Variants in ALDH3A2 observed in about 807,000 individuals in gnomAD.
ALDH3A2 encodes the protein aldehyde dehydrogenase 3 family member A2.
ALDH3A2 carries 36 observed loss-of-function variants against 51.3 expected under a neutral mutation model. That is an observed-to-expected ratio of 0.70 (90% CI 0.54 to 0.93). ALDH3A2 has a LOEUF of 0.93. ALDH3A2 is among the 40% of genes least tolerant of loss of function. The pLI, the probability that ALDH3A2 is intolerant of heterozygous loss-of-function variation, is 0.00. For synonymous variants in ALDH3A2, 199 were observed against 219.8 expected (o/e 0.91, Z 0.84); for missense variants, 552 against 603.1 (o/e 0.92, Z 0.89).
chr17:19,675,480 G>C lies in ALDH3A2; in HGVS notation c.1444-78G>C, dbSNP rs368777762. The C allele has an allele frequency of 2.1e-6, 3 of 1,443,006 alleles. No homozygotes were observed. The African/African-American group carries it at 4.2e-5, about 20-fold the overall frequency. 89.4% of individuals were successfully genotyped at this position (1,443,006 alleles called of 1,614,324 possible). A position where few individuals can be genotyped will look rare whatever the true frequency, so the allele number is the denominator to read the frequency against. Reference sequence around the variant, plus strand: ...CAGGAGGTGTCTGAGTCCCAGTGCTGAGCTTGTGTTGCAAGGCTGGTTGTG... The same window carrying C: ...CAGGAGGTGTCTGAGTCCCAGTGCTCAGCTTGTGTTGCAAGGCTGGTTGTG... On this transcript the variant is annotated intron_variant, in intron 9 of 9. Coordinates refer to ENST00000176643, the MANE Select transcript of ALDH3A2 (RefSeq NM_000382.3).
intron 9 of ALDH3A2, among the ~76,000 whole-genome samples, chr17:19,672,933 C>T (rs552447104): frequency 4.8e-4 from 73 of 151,998 alleles, no homozygotes; most frequent in African/African-American, 1.6e-3. Context: ...CCCAGCTACT[C>T]GGGAGGCTGA....
At position 19,654,307 on chromosome 17, in the gene ALDH3A2, C is replaced by T. The variant is rs902358251; in HGVS notation, c.471+1675C>T. On this transcript the variant is annotated intron_variant, in intron 3 of 9. Transcript: ENST00000176643. The surrounding 1 kb of genome is among the most constrained non-coding windows in gnomAD (Gnocchi z 4.5). ...AGCTGCCCATCAGTCCAGCGCTGCG[C>T]GCCTGCACCCCTCAGCCCTTGGGCG... 8.5e-5 allele frequency among the ~76,000 whole-genome samples: 13 copies of T among 152,402 alleles called. No individual in the cohort carries two copies. The highest frequency in any genetic ancestry group is 3.4e-3 in the Middle Eastern group (1 of 294).
chr17:19,673,636 T>C (rs1400925287), intron 9 of ALDH3A2, among the ~76,000 whole-genome samples: 2 of 152,058 alleles, frequency 1.3e-5, no homozygotes, highest in African/African-American at 4.8e-5. Context: ...GAGAATTGCT[T>C]TAACCCGGGA....
rs1426631751 is a variant in ALDH3A2 at position 19,648,805 on chromosome 17, C to A, written c.-167C>A. ...TGGGACTCAGCGGGCGTGGAGGTCG[C>A]GGCTGAGCGAGCGAGCCCTGGGCGA... On this transcript the variant is annotated 5_prime_UTR_variant, in exon 1 of 10. Transcript: ENST00000176643. 5.3e-6 allele frequency: 5 copies of A among 950,694 alleles called. No homozygotes were observed. Among genetic ancestry groups the A allele is most frequent in the Non-Finnish European group, 6.2e-6 (4 of 642,268 alleles). 58.9% of individuals were successfully genotyped at this position (950,694 alleles called of 1,614,324 possible).
At position 19,663,337 on chromosome 17, in the gene ALDH3A2, A is replaced by G; in HGVS notation, c.945A>G (p.Pro315=). 1 of 1,614,098 alleles carries G rather than the reference A, an allele frequency of 6.2e-7. No homozygotes were observed. Among genetic ancestry groups the G allele is most frequent in the Non-Finnish European group, 8.5e-7 (1 of 1,179,996 alleles). Residue 315 remains proline (P), a synonymous_variant, in exon 7 of 10, where the codon CCA becomes CCG. Coordinates refer to ENST00000176643, the MANE Select transcript of ALDH3A2 (RefSeq NM_000382.3). ...TTTTGTTTATTTTCTTTTTAGCCCC[A>G]ACAGTACTTACCGATGTTGATCCTA... ...ETDEATRYIA[P]TVLTDVDPKT...
chr17:19,652,420 G>A (rs1277375413), intron 2 of ALDH3A2, 127 bp from the exon 3 acceptor site: 1 of 719,068 alleles, frequency 1.4e-6, no homozygotes, highest in Non-Finnish European at 2.5e-6. Flanking sequence ...TAATTATGAG[G>A]ATATGCAGCA....
At chr17:19,667,863 T>C (rs2152332028) in intron 8 of ALDH3A2, among the ~76,000 whole-genome samples, 2 of 152,184 alleles carry the variant, frequency 1.3e-5, no homozygotes, top group Middle Eastern at 6.8e-3. Flanking sequence ...CCAGCCTAGG[T>C]TTTTCTTTAG....
chr17:19,668,308 C>T (rs568744248), intron 8 of ALDH3A2, among the ~76,000 whole-genome samples: 10 of 152,116 alleles, frequency 6.6e-5, no homozygotes, highest in African/African-American at 1.2e-4. Flanking sequence ...AGTGCAATGG[C>T]GCGACCTCGG....
At chr17:19,667,437 A>G (rs1026222172) in intron 8 of ALDH3A2, among the ~76,000 whole-genome samples, 8 of 152,234 alleles carry the variant, frequency 5.3e-5, no homozygotes, top group African/African-American at 1.7e-4. Context: ...AAAAGGGCTT[A>G]TACAATTTTC....
intron 3 of ALDH3A2, among the ~76,000 whole-genome samples, chr17:19,653,465 C>A (rs1280346532): frequency 6.6e-6 from 1 of 152,160 alleles, no homozygotes; most frequent in Non-Finnish European, 1.5e-5. Flanking sequence ...GATGTTCGGA[C>A]ATGTTCGGAG....
In ALDH3A2 at chr17:19,652,845, T is replaced by A. The variant is rs1190887439; in HGVS notation, c.471+213T>A. The A allele has an allele frequency of 1.2e-4, 69 of 571,384 alleles. No homozygotes were observed. In the East Asian group the frequency reaches 1.9e-3, roughly 15 times the overall value. The allele number at this position is 571,384 out of a possible 1,614,324, so 35.4% of individuals were successfully genotyped here. A position where few individuals can be genotyped will look rare whatever the true frequency, so the allele number is the denominator to read the frequency against. ...AGCTCTTGGGGTTACACAATATATG[T>A]AGGCCCATGGCTTCATGCCAAACAG... On this transcript the variant is annotated intron_variant, in intron 3 of 9. Transcript: ENST00000176643.
intron 8 of ALDH3A2, among the ~76,000 whole-genome samples, chr17:19,665,525 A>G (rs923303964): frequency 1.3e-5 from 2 of 152,048 alleles, no homozygotes; most frequent in Non-Finnish European, 2.9e-5. Flanking sequence ...ATTGTTCCCC[A>G]GCCCTTTGTT....
In ALDH3A2 at chr17:19,676,814, C is replaced by T. The variant is rs1470070535; in HGVS notation, c.*1242C>T. The T allele has an allele frequency of 6.6e-6, 1 of 152,060 alleles. No individual in the cohort carries two copies. The highest frequency in any genetic ancestry group is 2.4e-5 in the African/African-American group (1 of 41,380). The allele number at this position is 152,060 out of a possible 1,614,324, so 9.4% of individuals were successfully genotyped here. ...CACTTTTTGAAACTATAGAGAGATC[C>T]CTTTCTGATTAGCCTACAGAACTTA... On this transcript the variant is annotated 3_prime_UTR_variant, in exon 10 of 10. Transcript: ENST00000176643.
chr17:19,656,046 C>G (rs553865407), intron 3 of ALDH3A2: 2 of 385,934 alleles, frequency 5.2e-6, no homozygotes, highest in South Asian at 2.2e-5. Flanking sequence ...AGAGGCACTT[C>G]TGCACACACC....
At chr17:19,671,426 T>C (rs1272539854) in intron 8 of ALDH3A2, among the ~76,000 whole-genome samples, 1 of 152,234 alleles carries the variant, frequency 6.6e-6, no homozygotes, top group Non-Finnish European at 1.5e-5. Flanking sequence ...GTGAGAATTA[T>C]CTTAAGAGAA....
intron 1 of ALDH3A2, among the ~76,000 whole-genome samples, chr17:19,651,126 T>C (rs571591481): frequency 1.1e-4 from 17 of 152,234 alleles, no homozygotes; most frequent in Non-Finnish European, 1.6e-4. Flanking sequence ...ATGTGAGTGA[T>C]AGTTATAAAC....
intron 6 of ALDH3A2, among the ~76,000 whole-genome samples, chr17:19,662,930 C>T (rs1476313005): frequency 1.3e-5 from 2 of 151,916 alleles, no homozygotes; most frequent in African/African-American, 4.8e-5. Flanking sequence ...ACTTGAACTC[C>T]AGAGGCGGAG....
At chr17:19,658,181 T>C (rs2084922399) in intron 5 of ALDH3A2, among the ~76,000 whole-genome samples, 1 of 152,238 alleles carries the variant, frequency 6.6e-6, no homozygotes, top group South Asian at 2.1e-4. Context: ...CCTTTAGGTA[T>C]AATCAGAGAG....
chr17:19,651,224 T>C (rs1238405299), intron 1 of ALDH3A2, among the ~76,000 whole-genome samples: 1 of 152,236 alleles, frequency 6.6e-6, no homozygotes, highest in Non-Finnish European at 1.5e-5. Flanking sequence ...CCTTTATTGC[T>C]CAAGGAAATC....
Sources: gnomAD v4.1 joint callset for allele counts (sites outside exome capture counted in the v4.1 genomes callset) on GRCh38, gnomAD v4.1.1 for gene constraint, Gnocchi (gnomAD v3.1) non-coding constraint, MANE v1.5 for transcripts, NCBI Gene and HGNC (gene_info 2026-07-23, HGNC 2026-07-21) for gene names.